The following KCNAB1 variants were observed in gnomAD, a reference collection of about 807,000 sequenced individuals.
KCNAB1 encodes the protein voltage-gated potassium channel subunit beta-1.
KCNAB1 carries 35 observed loss-of-function variants against 64.6 expected under a neutral mutation model. The observed-to-expected ratio is 0.54, with a 90% CI of 0.41 to 0.72. KCNAB1 has a LOEUF of 0.72. Among genes scored for constraint, KCNAB1 ranks in the 30% least tolerant of loss-of-function variants. The pLI is 0.00. For synonymous variants in KCNAB1, 177 were observed against 183.8 expected, an observed-to-expected ratio of 0.96 and a Z score of 0.30; for missense variants, 401 against 512.9, an observed-to-expected ratio of 0.78 and a Z score of 2.11.
At chr3:156,417,719 G>GAAAAA (rs200175870) in intron 1 of KCNAB1, among the ~76,000 whole-genome samples, 2 of 130,290 alleles carry the variant, frequency 1.5e-5, no homozygotes, top group Non-Finnish European at 1.7e-5. Flanking sequence ...TGCCTTAAAA[G>GAAAAA]AAAAAAAAAA....
intron 1 of KCNAB1, among the ~76,000 whole-genome samples, chr3:156,312,839 C>T (rs1039250179): frequency 3.3e-5 from 5 of 151,948 alleles, no homozygotes; most frequent in African/African-American, 1.2e-4. Flanking sequence ...TCATTTGGCC[C>T]TCTCCCCAAG....
At chr3:156,157,344 A>G (rs1286773640) in intron 1 of KCNAB1, among the ~76,000 whole-genome samples, 2 of 152,202 alleles carry the variant, frequency 1.3e-5, no homozygotes, top group Non-Finnish European at 2.9e-5. Flanking sequence ...TATAGAAAAA[A>G]ATCATAAGAA....
intron 7 of KCNAB1, among the ~76,000 whole-genome samples, chr3:156,473,645 A>G (rs1714118030): frequency 6.6e-6 from 1 of 152,234 alleles, no homozygotes; most frequent in African/African-American, 2.4e-5. Flanking sequence ...TTCCAGAACA[A>G]TATTCAAGCA....
At chr3:156,527,773 C>T (rs1020099992) in intron 12 of KCNAB1, among the ~76,000 whole-genome samples, 2 of 152,184 alleles carry the variant, frequency 1.3e-5, no homozygotes, top group African/African-American at 4.8e-5. Flanking sequence ...TTTCCAGGCA[C>T]GTTATCTTTG....
At chr3:156,140,305 T>C (rs1210564553) in intron 1 of KCNAB1, among the ~76,000 whole-genome samples, 1 of 152,216 alleles carries the variant, frequency 6.6e-6, no homozygotes, top group Non-Finnish European at 1.5e-5. Context: ...ACTAAATGTC[T>C]TAGTTCAGGC....
At chr3:156,354,723 CAAAAAAAA>C (rs11320799) in intron 1 of KCNAB1, among the ~76,000 whole-genome samples, 1 of 117,914 alleles carries the variant, frequency 8.5e-6, no homozygotes, top group African/African-American at 2.9e-5. Context: ...ATCTCCCCTC[CAAAAAAAA>C]AAAAAAAAAA....
intron 1 of KCNAB1, among the ~76,000 whole-genome samples, chr3:156,178,966 A>C (rs980296546): frequency 2.8e-5 from 4 of 142,022 alleles, no homozygotes; most frequent in Non-Finnish European, 4.5e-5. Flanking sequence ...GCGCCACTGC[A>C]CTCCAACCTG....
At chr3:156,168,898 T>G (rs902213398) in intron 1 of KCNAB1, among the ~76,000 whole-genome samples, 2 of 152,220 alleles carry the variant, frequency 1.3e-5, no homozygotes, top group African/African-American at 4.8e-5. Context: ...CTTTCACATT[T>G]CTGTAAAAAT....
intron 1 of KCNAB1, among the ~76,000 whole-genome samples, chr3:156,304,370 G>T (rs921068556): frequency 1.6e-4 from 24 of 152,184 alleles, no homozygotes; most frequent in African/African-American, 5.6e-4. Context: ...GAAGGGGGAA[G>T]CAAGCGATGT....
intron 1 of KCNAB1, among the ~76,000 whole-genome samples, chr3:156,227,013 A>G (rs898583461): frequency 6.6e-6 from 1 of 152,260 alleles, no homozygotes; most frequent in Non-Finnish European, 1.5e-5. Flanking sequence ...CCATAGAAAT[A>G]AAAGCATATG....
intron 1 of KCNAB1, among the ~76,000 whole-genome samples, chr3:156,139,584 GTTTTTTTT>G (rs386398329): frequency 4.2e-4 from 23 of 55,254 alleles, no homozygotes; most frequent in East Asian, 1.8e-3. Context: ...ATTGTACTGT[GTTTTTTTT>G]TTTTTTTTTT....
intron 1 of KCNAB1, among the ~76,000 whole-genome samples, chr3:156,378,509 G>C (rs1711887266): frequency 2.0e-5 from 3 of 152,090 alleles, no homozygotes; most frequent in Admixed American, 2.0e-4. Context: ...TTTTTGGCCA[G>C]TTCACACCCT....
intron 1 of KCNAB1, among the ~76,000 whole-genome samples, chr3:156,384,689 A>G (rs1016572837): frequency 8.5e-5 from 13 of 152,192 alleles, no homozygotes; most frequent in Admixed American, 6.5e-4. Flanking sequence ...ATGTGCTGGG[A>G]TAGGCTTCTT....
intron 1 of KCNAB1, among the ~76,000 whole-genome samples, chr3:156,153,297 G>C (rs564522958): frequency 1.1e-4 from 17 of 152,262 alleles, no homozygotes; most frequent in Admixed American, 3.9e-4. Flanking sequence ...CATTGTTCTC[G>C]TAGGAAATAG....
chr3:156,492,906 C>T (rs1213674772), intron 8 of KCNAB1, among the ~76,000 whole-genome samples: 1 of 152,124 alleles, frequency 6.6e-6, no homozygotes, highest in African/African-American at 2.4e-5. Flanking sequence ...GAAGTAGTTC[C>T]TTCTGCAGTG....
chr3:156,393,532 T>G (rs764753134), intron 1 of KCNAB1, among the ~76,000 whole-genome samples: 26 of 152,290 alleles, frequency 1.7e-4, no homozygotes, highest in African/African-American at 5.5e-4. Flanking sequence ...CTGTGCTGCT[T>G]CTTATAATGA....
chr3:156,241,077 A>G (rs1464244160), intron 1 of KCNAB1, among the ~76,000 whole-genome samples: 2 of 152,222 alleles, frequency 1.3e-5, no homozygotes, highest in Non-Finnish European at 2.9e-5. Flanking sequence ...TAGTTCCCCA[A>G]TACTTCCAGC....
intron 1 of KCNAB1, among the ~76,000 whole-genome samples, chr3:156,337,398 CT>C (rs1172284864): frequency 1.3e-5 from 2 of 152,118 alleles, no homozygotes; most frequent in Non-Finnish European, 2.9e-5. Flanking sequence ...CCACTGTCTT[CT>C]TTTTTCCTTT....
At chr3:156,389,864 C>G (rs1482565105) in intron 1 of KCNAB1, among the ~76,000 whole-genome samples, 1 of 152,150 alleles carries the variant, frequency 6.6e-6, no homozygotes, top group East Asian at 1.9e-4. Context: ...GTAAATAAAG[C>G]TTTATTGGAA....
Sources: allele counts gnomAD v4.1 joint callset (sites outside exome capture counted in the v4.1 genomes callset), GRCh38; gene constraint gnomAD v4.1.1; transcripts MANE v1.5; gene names NCBI Gene and HGNC (gene_info 2026-07-23, HGNC 2026-07-21).